The following ZNF423 variants were observed in gnomAD, a reference collection of about 807,000 sequenced individuals.
ZNF423 encodes the protein Ebf-associated zinc finger protein.
In ZNF423, 12 loss-of-function variants were observed where a neutral mutation model predicts 95.8. The ratio of observed to expected loss-of-function variants is 0.13; its 90% CI spans 0.08 to 0.20. ZNF423 has a LOEUF of 0.20. Ranked by LOEUF, ZNF423 falls within the 10% of genes least tolerant of loss-of-function variation. ZNF423 has a pLI of 1.00. For missense variants in ZNF423, 1,316 were observed against 1,737.1 expected (o/e 0.76, Z 4.31); for synonymous variants, 749 against 711.9 (o/e 1.05, Z -0.83).
intron 3 of ZNF423, among the ~76,000 whole-genome samples, chr16:49,714,756 A>AC (rs2032653132): frequency 6.8e-6 from 1 of 146,238 alleles, no homozygotes; most frequent in Non-Finnish European, 1.5e-5. Flanking sequence ...CCCCATCTCT[A>AC]CAAAAAAAAA....
chr16:49,795,663 C>T (rs1343422304), intron 1 of ZNF423, among the ~76,000 whole-genome samples: 1 of 152,138 alleles, frequency 6.6e-6, no homozygotes, highest in Non-Finnish European at 1.5e-5. Flanking sequence ...GCCTTGGAGG[C>T]CCCGCCCCCA....
At chr16:49,591,899 G>A (rs1971021518) in intron 5 of ZNF423, among the ~76,000 whole-genome samples, 1 of 152,242 alleles carries the variant, frequency 6.6e-6, no homozygotes, top group South Asian at 2.1e-4. Flanking sequence ...TCCTCTGGGG[G>A]CTGGGACAGG....
intron 7 of ZNF423, among the ~76,000 whole-genome samples, chr16:49,502,904 G>A (rs1967474564): frequency 1.2e-5 from 1 of 83,356 alleles, no homozygotes; most frequent in African/African-American, 8.4e-5. Flanking sequence ...ACAATCCCAT[G>A]TGCACGCATA....
chr16:49,602,841 G>A (rs1394307890), intron 5 of ZNF423, among the ~76,000 whole-genome samples: 5 of 152,158 alleles, frequency 3.3e-5, no homozygotes, highest in Admixed American at 2.0e-4. Context: ...TCATTCCCTC[G>A]GTGGCCCCGC....
At chr16:49,782,842 C>T (rs748063404) in intron 2 of ZNF423, among the ~76,000 whole-genome samples, 1 of 151,854 alleles carries the variant, frequency 6.6e-6, no homozygotes, top group South Asian at 2.1e-4. Context: ...ACCCACTTCA[C>T]GCTAAGCATG....
At chr16:49,813,463 G>A (rs2034786929) in intron 1 of ZNF423, among the ~76,000 whole-genome samples, 1 of 152,100 alleles carries the variant, frequency 6.6e-6, no homozygotes, top group African/African-American at 2.4e-5. Flanking sequence ...TAACCTCAAT[G>A]TGCCACCAGT....
intron 2 of ZNF423, among the ~76,000 whole-genome samples, chr16:49,774,658 A>G (rs1464015673): frequency 6.6e-6 from 1 of 152,160 alleles, no homozygotes; most frequent in Non-Finnish European, 1.5e-5. Context: ...AGAAGTAAGC[A>G]ACAGGTGGGT....
chr16:49,599,446 A>G (rs1383494509), intron 5 of ZNF423, among the ~76,000 whole-genome samples: 1 of 152,212 alleles, frequency 6.6e-6, no homozygotes, highest in Non-Finnish European at 1.5e-5. Context: ...TCACAAATGT[A>G]TAAACCAAGA....
At chr16:49,546,570 C>T (rs1053404384) in intron 5 of ZNF423, among the ~76,000 whole-genome samples, 3 of 152,130 alleles carry the variant, frequency 2.0e-5, no homozygotes, top group African/African-American at 7.2e-5. Context: ...TGTGAGACTT[C>T]CATTACAAAG....
intron 5 of ZNF423, among the ~76,000 whole-genome samples, chr16:49,618,701 T>G (rs1437294604): frequency 2.0e-5 from 3 of 152,144 alleles, no homozygotes; most frequent in Non-Finnish European, 4.4e-5. Context: ...GAGAATGGAC[T>G]GCTACATGAA....
chr16:49,787,933 G>A (rs978573911), intron 2 of ZNF423, among the ~76,000 whole-genome samples: 4 of 152,196 alleles, frequency 2.6e-5, no homozygotes, highest in Non-Finnish European at 4.4e-5. Flanking sequence ...CGTCTCTCAG[G>A]AGGACTACAT....
chr16:49,522,513 G>T (rs943152090), intron 7 of ZNF423, among the ~76,000 whole-genome samples: 1 of 151,904 alleles, frequency 6.6e-6, no homozygotes, highest in Non-Finnish European at 1.5e-5. Flanking sequence ...TAAACCTTTT[G>T]TTGAGGACAC....
At chr16:49,859,019 C>T (rs1279302192), upstream of ZNF423, among the ~76,000 whole-genome samples, 1 of 152,206 alleles carries the variant, frequency 6.6e-6, no homozygotes. Flanking sequence ...AGCTCGCCCG[C>T]CCAGGCTTTC....
At chr16:49,775,652 A>G (rs7403957) in intron 2 of ZNF423, among the ~76,000 whole-genome samples, 111,212 of 152,080 alleles carry the variant, frequency 0.73, 41,765 homozygotes, top group African/African-American at 0.9. Flanking sequence ...GCCCATTCTC[A>G]CAGTGAATAC....
Position 49,635,210 on chromosome 16 carries a change from T to C in ZNF423, c.3516+450A>G, listed in dbSNP as rs1330186633. Among the ~76,000 whole-genome samples the C allele has an allele frequency of 6.6e-6, 1 of 152,090 alleles. No individual in the cohort carries two copies. The highest frequency in any genetic ancestry group is 1.5e-5 in the Non-Finnish European group (1 of 68,020). The stretch of plus-strand genomic sequence containing the variant: ...TGAACTGTCAAAAGAATCCTGGATC[T>C]AAGGCCCAGAGAAGTCAGTGACTTG... On this transcript the variant is annotated intron_variant, in intron 4 of 7. Transcript: ENST00000563137. The surrounding 1 kb of genome is among the most constrained non-coding windows in gnomAD (Gnocchi z 4.8).
At chr16:49,629,558 C>T (rs1448557691) in intron 4 of ZNF423, among the ~76,000 whole-genome samples, 1 of 152,170 alleles carries the variant, frequency 6.6e-6, no homozygotes. Flanking sequence ...CTTTTCACCC[C>T]AGAATGGGTC....
At chr16:49,537,145 G>A (rs1795366270) in intron 5 of ZNF423, among the ~76,000 whole-genome samples, 1 of 152,228 alleles carries the variant, frequency 6.6e-6, no homozygotes, top group South Asian at 2.1e-4. Flanking sequence ...GCCCAAAGTG[G>A]GTAAGAATAT....
chr16:49,706,633 C>A (rs190613442), intron 3 of ZNF423, among the ~76,000 whole-genome samples: 1 of 152,200 alleles, frequency 6.6e-6, no homozygotes, highest in African/African-American at 2.4e-5. Context: ...AATGACCCTG[C>A]CACATTTTTT....
At chr16:49,675,805 T>C in intron 3 of ZNF423, among the ~76,000 whole-genome samples, 1 of 152,128 alleles carries the variant, frequency 6.6e-6, no homozygotes, top group Non-Finnish European at 1.5e-5. Context: ...TACACACCTG[T>C]ACACAAATGT....
Sources: allele counts gnomAD v4.1 joint callset (sites outside exome capture counted in the v4.1 genomes callset), GRCh38; gene constraint gnomAD v4.1.1; non-coding constraint Gnocchi (gnomAD v3.1); transcripts MANE v1.5; gene names NCBI Gene and HGNC (gene_info 2026-07-23, HGNC 2026-07-21).